Variants in BST1 observed in about 807,000 individuals in gnomAD.
The protein encoded by BST1 is ADP-ribosyl cyclase/cyclic ADP-ribose hydrolase 2.
A neutral mutation model predicts 40.6 loss-of-function variants in BST1; 49 were observed. The ratio of observed to expected loss-of-function variants is 1.21; its 90% CI spans 0.96 to 1.53. BST1 has a LOEUF of 1.53. BST1 is among the 40% of genes most tolerant of loss of function. The pLI is 0.00. For missense variants in BST1, 423 were observed against 395.9 expected (o/e 1.07, Z -0.58); for synonymous variants, 157 against 159.3 (o/e 0.99, Z 0.11).
rs138938754 is a variant in BST1 at position 15,728,312 on chromosome 4, G to A, written c.852-3428G>A. On this transcript the variant is annotated intron_variant, in intron 8 of 8. Transcript: ENST00000265016. ...CACCCATTTTATTAATAGTTTTGTG[G>A]TAAATTTAGGGACAATCTGTATGTT... Among the ~76,000 whole-genome samples the A allele has an allele frequency of 4.2e-3, 638 of 152,184 alleles. 3 individuals carry two copies. Among genetic ancestry groups the A allele is most frequent in the African/African-American group, 0.014 (590 of 41,522 alleles).
At position 15,731,990 on chromosome 4, in the gene BST1, G is replaced by A. The variant is rs1460379710; in HGVS notation, c.*145G>A. 2 of 1,390,652 alleles carry A rather than the reference G, an allele frequency of 1.4e-6. No homozygotes were observed. The highest frequency in any genetic ancestry group is 1.9e-6 in the Non-Finnish European group (2 of 1,069,314). 86.1% of individuals were successfully genotyped at this position (1,390,652 alleles called of 1,614,324 possible). On this transcript the variant is annotated 3_prime_UTR_variant, in exon 9 of 9. Transcript: ENST00000265016. ...GATGTCCTGAAAATGGTATTTCAAT[G>A]AGGCATATGTTCAGGATTTCAGAAA...
intron 3 of BST1, among the ~76,000 whole-genome samples, chr4:15,707,895 A>ATATACATATC (rs1202893024): frequency 4.0e-5 from 6 of 150,034 alleles, no homozygotes; most frequent in Non-Finnish European, 8.9e-5. Context: ...ATACACATAT[A>ATATACATATC]TATACATATC....
chr4:15,718,137 G>A (rs1048178387), intron 6 of BST1, among the ~76,000 whole-genome samples: 5 of 152,134 alleles, frequency 3.3e-5, no homozygotes, highest in African/African-American at 7.2e-5. Flanking sequence ...AAATGGTATC[G>A]AAATGAAAGA....
chr4:15,728,949 TAACTGA>T (rs1721253904), intron 8 of BST1, among the ~76,000 whole-genome samples: 1 of 152,120 alleles, frequency 6.6e-6, no homozygotes, highest in Admixed American at 6.6e-5. Flanking sequence ...CTCAGCCAAG[TAACTGA>T]TTTTAGGCTT....
At chr4:15,739,004 G>A (rs559271511), downstream of BST1, among the ~76,000 whole-genome samples, 1 of 152,288 alleles carries the variant, frequency 6.6e-6, no homozygotes, top group African/African-American at 2.4e-5. Context: ...ATCATCATTG[G>A]AGACTCTGCA....
chr4:15,734,005 T>A (rs1721475417), downstream of BST1, among the ~76,000 whole-genome samples: 1 of 152,204 alleles, frequency 6.6e-6, no homozygotes, highest in African/African-American at 2.4e-5. Context: ...ATCTACACCA[T>A]GGAATACTAC....
intron 3 of BST1, 83 bp from the exon 4 acceptor site, chr4:15,711,724 G>A: frequency 9.1e-7 from 1 of 1,098,622 alleles, no homozygotes; most frequent in South Asian, 1.3e-5. Flanking sequence ...TATACATCAT[G>A]GAACTGGGAT....
intron 8 of BST1, among the ~76,000 whole-genome samples, chr4:15,727,641 T>G (rs1278360513): frequency 4.6e-5 from 7 of 152,228 alleles, no homozygotes; most frequent in Non-Finnish European, 1.0e-4. Context: ...TATTCAATGC[T>G]TGATGTCACT....
At chr4:15,773,001 A>G in the BST1 span, among the ~76,000 whole-genome samples, 2 of 152,172 alleles carry the variant, frequency 1.3e-5, no homozygotes, top group African/African-American at 2.4e-5. Context: ...TGTAAAAGTT[A>G]TATCTTTGAA....
the BST1 span, among the ~76,000 whole-genome samples, chr4:15,745,856 A>G: frequency 6.6e-6 from 1 of 152,228 alleles, no homozygotes. Context: ...TTAATAAGGC[A>G]TCTCGAAGAC....
At chr4:15,724,748 G>C (rs1721007434) in intron 8 of BST1, among the ~76,000 whole-genome samples, 1 of 152,170 alleles carries the variant, frequency 6.6e-6, no homozygotes, top group Non-Finnish European at 1.5e-5. Context: ...GCACTGGTGA[G>C]CTGGCTTGTC....
intron 8 of BST1, chr4:15,731,218 A>C (rs909412889): frequency 6.6e-6 from 3 of 457,220 alleles, no homozygotes; most frequent in Non-Finnish European, 1.2e-5. Flanking sequence ...GTGTGTGAGC[A>C]GGGAGGGGCA....
At chr4:15,722,982 T>C (rs763150423) in intron 8 of BST1, 48 bp downstream of exon 8, 2 of 1,555,612 alleles carry the variant, frequency 1.3e-6, no homozygotes, top group Non-Finnish European at 1.8e-6. Flanking sequence ...GATAACCATC[T>C]CCTTTCAGAA....
the BST1 span, among the ~76,000 whole-genome samples, chr4:15,768,034 C>G: frequency 1.3e-5 from 2 of 152,200 alleles, no homozygotes; most frequent in Non-Finnish European, 2.9e-5. Flanking sequence ...CAAAATCATT[C>G]ATTTTTAAAT....
downstream of BST1, among the ~76,000 whole-genome samples, chr4:15,739,554 C>CGTGTGTGTGTGTGT (rs58171340): frequency 2.8e-4 from 41 of 144,054 alleles, no homozygotes; most frequent in African/African-American, 4.9e-4. Context: ...GAAGCCAAAC[C>CGTGTGTGTGTGTGT]GTGTGTGTGT....
intron 1 of BST1, among the ~76,000 whole-genome samples, chr4:15,703,791 T>TAG: frequency 7.3e-6 from 1 of 137,838 alleles, no homozygotes; most frequent in African/African-American, 2.8e-5. Context: ...TGTGTGTGTG[T>TAG]TCTAGAGGTA....
At position 15,732,650 on chromosome 4, in the gene BST1, A is replaced by T. The variant is rs2148897580; in HGVS notation, c.*805A>T. 6.6e-6 allele frequency: 1 copy of T among 152,358 alleles called. No homozygotes were observed. Among genetic ancestry groups the T allele is most frequent in the South Asian group, 2.1e-4 (1 of 4,832 alleles). The allele number at this position is 152,358 out of a possible 1,614,324, so 9.4% of individuals were successfully genotyped here. ...TTACTTATAATGAGGGAAAAACCCA[A>T]AATATCCAGTAATATTTACATATTT... On this transcript the variant is annotated 3_prime_UTR_variant, in exon 9 of 9. Coordinates refer to ENST00000265016, the MANE Select transcript of BST1 (RefSeq NM_004334.3).
Position 15,703,297 on chromosome 4 carries a change from CGCCGAGTACCGCGCACT to C in BST1, c.156_172del (p.Tyr54SerfsTer16), listed in dbSNP as rs2148873538. On this transcript the variant is annotated frameshift_variant, in exon 1 of 9. Coordinates refer to ENST00000265016, the MANE Select transcript of BST1 (RefSeq NM_004334.3). LOFTEE classifies it high-confidence loss of function. ...TGCGGGACATCTTCCTGGGCCGCTG[CGCCGAGTACCGCGCACT>C]GCTGAGTCCCGAGCAGCGGTGAGGC... 1 of 1,528,994 alleles carries C rather than the reference CGCCGAGTACCGCGCACT, an allele frequency of 6.5e-7. No individual in the cohort carries two copies. The highest frequency in any genetic ancestry group is 1.4e-5 in the African/African-American group (1 of 71,812). The allele number at this position is 1,528,994 out of a possible 1,614,324, so 94.7% of individuals were successfully genotyped here.
chr4:15,747,593 A>G, the BST1 span, among the ~76,000 whole-genome samples: 3 of 152,278 alleles, frequency 2.0e-5, no homozygotes, highest in African/African-American at 4.8e-5. Context: ...GTGTTATTCT[A>G]TGTCATTCTT....
Sources: gnomAD v4.1 joint callset for allele counts (sites outside exome capture counted in the v4.1 genomes callset) on GRCh38, gnomAD v4.1.1 for gene constraint, MANE v1.5 for transcripts, NCBI Gene and HGNC (gene_info 2026-07-23, HGNC 2026-07-21) for gene names.